Variants in MYO9A observed in about 807,000 individuals in gnomAD.
MYO9A encodes the protein myosin IXA.
A neutral mutation model predicts 293.3 loss-of-function variants in MYO9A; 103 were observed. The ratio of observed to expected loss-of-function variants is 0.35; its 90% CI spans 0.30 to 0.41. The LOEUF (loss-of-function observed/expected upper bound fraction) is 0.41, where lower values mean the gene tolerates loss of function less well. MYO9A is among the 10% of genes least tolerant of loss of function. MYO9A has a pLI of 1.00. For synonymous variants in MYO9A, 1,001 were observed against 1,035.7 expected, an observed-to-expected ratio of 0.97 and a Z score of 0.64; for missense variants, 2,685 against 3,033.0, an observed-to-expected ratio of 0.89 and a Z score of 2.69.
chr15:72,007,190 A>G (rs995825687), intron 8 of MYO9A, among the ~76,000 whole-genome samples: 20 of 152,188 alleles, frequency 1.3e-4, no homozygotes, highest in Admixed American at 1.0e-3. Flanking sequence ...TTGCTATGCC[A>G]GACGATAGGG....
At chr15:71,827,624 T>C (rs1001166383) in intron 41 of MYO9A, among the ~76,000 whole-genome samples, 2 of 152,160 alleles carry the variant, frequency 1.3e-5, no homozygotes, top group Non-Finnish European at 2.9e-5. Flanking sequence ...AAAAAGACCT[T>C]CCGTGGAAGT....
At chr15:71,981,948 T>C (rs1446263446) in intron 11 of MYO9A, among the ~76,000 whole-genome samples, 1 of 151,488 alleles carries the variant, frequency 6.6e-6, no homozygotes, top group East Asian at 1.9e-4. Context: ...TTTTAATATG[T>C]AACGTGTCAT....
At chr15:71,929,451 T>C (rs1004137361) in intron 18 of MYO9A, among the ~76,000 whole-genome samples, 2 of 152,202 alleles carry the variant, frequency 1.3e-5, no homozygotes, top group Non-Finnish European at 2.9e-5. Context: ...CCTAATTATA[T>C]TGAGGAACAG....
intron 15 of MYO9A, among the ~76,000 whole-genome samples, chr15:71,947,284 A>G (rs919259169): frequency 7.9e-5 from 1 of 12,724 alleles, no homozygotes; most frequent in East Asian, 6.1e-4. Context: ...CCATCTCAGG[A>G]AAAAAAAAAA....
chr15:71,840,457 A>C (rs765547908), intron 39 of MYO9A, among the ~76,000 whole-genome samples: 1 of 151,992 alleles, frequency 6.6e-6, no homozygotes, highest in Non-Finnish European at 1.5e-5. Context: ...AGCCCATGGT[A>C]GTCATATGAG....
chr15:72,048,750 GA>G (rs927516749), intron 1 of MYO9A, among the ~76,000 whole-genome samples: 2 of 151,728 alleles, frequency 1.3e-5, no homozygotes, highest in African/African-American at 4.8e-5. Flanking sequence ...TTACTATCGT[GA>G]AAAAAAACCT....
At position 72,118,031 on chromosome 15, in the gene MYO9A, T is replaced by G. The variant is rs1447621219; in HGVS notation, c.-423A>C. 2.5e-6 allele frequency: 1 copy of G among 396,808 alleles called. No individual in the cohort carries two copies. The highest frequency in any genetic ancestry group is 4.4e-5 in the Admixed American group (1 of 22,642). The allele number at this position is 396,808 out of a possible 1,614,324, so 24.6% of individuals were successfully genotyped here. A position where few individuals can be genotyped will look rare whatever the true frequency, so the allele number is the denominator to read the frequency against. On this transcript the variant is annotated 5_prime_UTR_variant, in exon 1 of 42. Coordinates refer to ENST00000356056, the MANE Select transcript of MYO9A (RefSeq NM_006901.4). ...GCAGTCCGGGCTGTCCTGTACTCTC[T>G]CAACAGACACAGCCAACCGCCGCCG...
In MYO9A at chr15:72,092,896, G is replaced by A. The variant is rs188708724; in HGVS notation, c.-72+24784C>T. Among the ~76,000 whole-genome samples, 395 of 149,046 alleles carry A rather than the reference G, an allele frequency of 2.7e-3. 3 individuals are homozygous for A. The highest frequency in any genetic ancestry group is 4.7e-3 in the South Asian group (22 of 4,728). ...CAACAAGACACACACCACCACTTCA[G>A]CCACCACCTTACTTACACACACACA... On this transcript the variant is annotated intron_variant, in intron 1 of 41. Coordinates refer to ENST00000356056, the MANE Select transcript of MYO9A (RefSeq NM_006901.4).
chr15:72,032,721 T>C (rs959447785), intron 2 of MYO9A, 133 bp from the exon 3 acceptor site: 7 of 522,092 alleles, frequency 1.3e-5, no homozygotes, highest in Admixed American at 1.2e-4. Flanking sequence ...AATTTGCTTG[T>C]ATGTTCAGAC....
At chr15:71,935,241 C>T in intron 17 of MYO9A, 100 bp downstream of exon 17, 2 of 1,265,354 alleles carry the variant, frequency 1.6e-6, no homozygotes, top group Non-Finnish European at 2.2e-6. Context: ...ATGAAAATAA[C>T]ATTTCACCAT....
At chr15:72,008,056 T>G in intron 7 of MYO9A, 104 bp from the exon 8 acceptor site, 1 of 1,361,482 alleles carries the variant, frequency 7.3e-7, no homozygotes, top group Non-Finnish European at 9.9e-7. Flanking sequence ...TATGAAGTAT[T>G]TAGTCTTTGG....
chr15:72,013,589 C>G (rs566218263), intron 6 of MYO9A, among the ~76,000 whole-genome samples: 1 of 152,190 alleles, frequency 6.6e-6, no homozygotes. Flanking sequence ...ACATTCCCCC[C>G]ACAAACATAC....
chr15:71,932,688 C>A (rs940715676), intron 18 of MYO9A, among the ~76,000 whole-genome samples: 2 of 151,930 alleles, frequency 1.3e-5, no homozygotes, highest in African/African-American at 4.8e-5. Context: ...GGGCTGTAGT[C>A]CCTGGAAATG....
At chr15:71,940,499 G>A (rs993574826) in intron 15 of MYO9A, among the ~76,000 whole-genome samples, 2 of 151,952 alleles carry the variant, frequency 1.3e-5, no homozygotes, top group South Asian at 4.2e-4. Context: ...CTTGGAGCGG[G>A]GACGGGGTTG....
chr15:72,027,891 A>C, intron 3 of MYO9A, 98 bp from the exon 4 acceptor site: 1 of 881,212 alleles, frequency 1.1e-6, no homozygotes, highest in South Asian at 1.7e-5. Context: ...AATACTATCC[A>C]GATCATTTCA....
intron 6 of MYO9A, among the ~76,000 whole-genome samples, chr15:72,010,839 C>T (rs1477299732): frequency 2.0e-5 from 3 of 152,002 alleles, no homozygotes; most frequent in African/African-American, 4.8e-5. Flanking sequence ...ACTATTTATT[C>T]AACAAATATT....
Position 72,046,474 on chromosome 15 carries a change from G to T in MYO9A, c.90C>A (p.Ile30=), listed in dbSNP as rs776076339. The change falls in exon 2 of 42, where the codon ATC becomes ATA. Residue 30 remains isoleucine (I), a synonymous_variant. Coordinates refer to ENST00000356056, the MANE Select transcript of MYO9A (RefSeq NM_006901.4). ...TTTTTCTGGCAGGAATCGGACAGTA[G>T]ATTGTCCCTTCTGAAATAGCCCCAG... ...IYPGAISEGT[I]YCPIPARKNS... is the part of the protein sequence containing the mutation. 6.2e-7 allele frequency: 1 copy of T among 1,614,142 alleles called. No homozygotes were observed. Among genetic ancestry groups the T allele is most frequent in the Non-Finnish European group, 8.5e-7 (1 of 1,180,032 alleles).
At chr15:71,929,198 G>A (rs1315668272) in intron 18 of MYO9A, among the ~76,000 whole-genome samples, 2 of 152,100 alleles carry the variant, frequency 1.3e-5, no homozygotes, top group Non-Finnish European at 2.9e-5. Flanking sequence ...GGGGTCTTGA[G>A]GATTTTCTAT....
chr15:71,885,650 A>C (rs991475498), intron 27 of MYO9A, among the ~76,000 whole-genome samples: 1 of 152,112 alleles, frequency 6.6e-6, no homozygotes. Flanking sequence ...TCATAACAAC[A>C]TGTCTTTTGG....
Sources: allele counts gnomAD v4.1 joint callset (sites outside exome capture counted in the v4.1 genomes callset), GRCh38; gene constraint gnomAD v4.1.1; transcripts MANE v1.5; gene names NCBI Gene and HGNC (gene_info 2026-07-23, HGNC 2026-07-21).